The following LUZP1 variants were observed in gnomAD, a reference collection of about 807,000 sequenced individuals.
LUZP1 encodes leucine zipper protein 1, also known as filamin mechanobinding actin cross-linking protein.
LUZP1 carries 25 observed loss-of-function variants against 71.3 expected under a neutral mutation model. The ratio of observed to expected loss-of-function variants is 0.35; its 90% CI spans 0.26 to 0.49. The LOEUF (loss-of-function observed/expected upper bound fraction) is 0.49. Ranked by LOEUF, LUZP1 falls within the 20% of genes least tolerant of loss-of-function variation. The probability of loss-of-function intolerance (pLI) is 0.99; values close to 1 mark genes in which losing one functional copy is unlikely to be tolerated. For missense variants in LUZP1, 1,142 were observed against 1,300.8 expected (o/e 0.88, Z 1.88); for synonymous variants, 481 against 506.4 (o/e 0.95, Z 0.67).
In LUZP1 at chr1:23,094,377, CA is replaced by C. The variant is rs2124601740; in HGVS notation, c.-117del. 4 of 1,464,818 alleles carry C rather than the reference CA, an allele frequency of 2.7e-6. No homozygotes were observed. In the South Asian group the frequency reaches 6.0e-5, roughly 22 times the overall value. The allele number at this position is 1,464,818 out of a possible 1,614,324, so 90.7% of individuals were successfully genotyped here. A position where few individuals can be genotyped will look rare whatever the true frequency, so the allele number is the denominator to read the frequency against. ...TTCTTTGACAGCTGGAGACCATCATCAATCTACAAAAGGAAAGTAGAAAGCA... is the reference window on the plus strand; with the variant it reads ...TTCTTTGACAGCTGGAGACCATCATCATCTACAAAAGGAAAGTAGAAAGCA... On this transcript the variant is annotated splice_region_variant and 5_prime_UTR_variant, in exon 4 of 5. It adds an upstream start codon to the 5' untranslated region. Coordinates refer to ENST00000302291, the Ensembl canonical transcript of LUZP1. This position sits in a 1 kb window ranked among gnomAD's most constrained non-coding sequence, Gnocchi z 4.7.
chr1:23,088,871 G>A lies in LUZP1; in HGVS notation c.*24C>T, dbSNP rs750459214. On this transcript the variant is annotated 3_prime_UTR_variant, in exon 5 of 5. Transcript: ENST00000302291. Reference sequence around the variant, plus strand: ...AAGAGCTGAGAAGCAGGAGCAGAGGGCAGACAACAGACACCCAGCGGGCTC... The same window carrying A: ...AAGAGCTGAGAAGCAGGAGCAGAGGACAGACAACAGACACCCAGCGGGCTC... 56 of 1,610,236 alleles carry A rather than the reference G, an allele frequency of 3.5e-5. No homozygotes were observed. The East Asian group carries it at 1.1e-3, about 33-fold the overall frequency.
intron 3 of LUZP1, among the ~76,000 whole-genome samples, chr1:23,098,972 C>G (rs904767826): frequency 6.6e-6 from 1 of 152,168 alleles, no homozygotes; most frequent in African/African-American, 2.4e-5. Flanking sequence ...CCAAGCCTTC[C>G]GCTTCCATTC....
Position 23,109,698 on chromosome 1 carries a change from G to C in LUZP1, c.-225-571C>G, listed in dbSNP as rs1452640984. 5 of 152,316 alleles carry C rather than the reference G, an allele frequency of 3.3e-5. 1 individual carries two copies. The highest frequency in any genetic ancestry group is 1.2e-4 in the African/African-American group (5 of 41,576). 9.4% of individuals were successfully genotyped at this position (152,316 alleles called of 1,614,324 possible). On this transcript the variant is annotated intron_variant, in intron 2 of 4. Transcript: ENST00000302291. ...TCAGGCTATATGTATAAGGTGTATA[G>C]GAAACATAAACGAATTTCATGTTTA...
intron 4 of LUZP1, among the ~76,000 whole-genome samples, chr1:23,089,824 G>A (rs1272478047): frequency 2.0e-5 from 3 of 149,424 alleles, no homozygotes; most frequent in Non-Finnish European, 4.4e-5. Flanking sequence ...ACAATGGTGC[G>A]ATCTCGGCTC....
intron 2 of LUZP1, among the ~76,000 whole-genome samples, chr1:23,116,546 A>G (rs1644080364): frequency 6.6e-6 from 1 of 151,784 alleles, no homozygotes; most frequent in East Asian, 1.9e-4. Context: ...AGTTGGCCAA[A>G]TCAGAAGGTG....
chr1:23,136,339 C>CACACACACAG (rs1257091666), intron 2 of LUZP1, among the ~76,000 whole-genome samples: 5 of 144,732 alleles, frequency 3.5e-5, no homozygotes, highest in Middle Eastern at 3.6e-3. Context: ...CACACACACA[C>CACACACACAG]ACAGAGGGTC....
intron 1 of LUZP1, among the ~76,000 whole-genome samples, chr1:23,170,462 C>CTTTTTTTTTTTTTTTTTTTTT (rs200073505): frequency 5.5e-5 from 7 of 127,434 alleles, no homozygotes; most frequent in Non-Finnish European, 8.3e-5. Flanking sequence ...CTTTTTCTTT[C>CTTTTTTTTTTTTTTTTTTTTT]TTTTTTTTTT....
intron 2 of LUZP1, among the ~76,000 whole-genome samples, chr1:23,153,243 A>T (rs778743508): frequency 6.6e-6 from 1 of 152,214 alleles, no homozygotes; most frequent in African/African-American, 2.4e-5. Context: ...CCAGACAAGT[A>T]TTCCCAGTTC....
chr1:23,161,990 C>T (rs546391151), intron 2 of LUZP1, among the ~76,000 whole-genome samples: 2 of 134,788 alleles, frequency 1.5e-5, no homozygotes, highest in Admixed American at 8.2e-5. Flanking sequence ...CGCGCCACTG[C>T]ACTCCAGCCT....
chr1:23,129,449 C>T (rs1416044275), intron 2 of LUZP1, among the ~76,000 whole-genome samples: 3 of 152,064 alleles, frequency 2.0e-5, no homozygotes, highest in South Asian at 4.1e-4. Flanking sequence ...GGCGTGGAGG[C>T]GCATGCCTGT....
At chr1:23,177,209 C>A (rs868049786) in intron 1 of LUZP1, among the ~76,000 whole-genome samples, 1 of 152,124 alleles carries the variant, frequency 6.6e-6, no homozygotes, top group Non-Finnish European at 1.5e-5. Flanking sequence ...TAATTCTTAA[C>A]CCTTGTTGGA....
In LUZP1 at chr1:23,093,101, C is replaced by T. The variant is rs1294058025; in HGVS notation, c.1161G>A (p.Lys387=). 6.2e-7 allele frequency: 1 copy of T among 1,614,118 alleles called. No homozygotes were observed. The highest frequency in any genetic ancestry group is 1.7e-5 in the Admixed American group (1 of 60,020). The stretch of plus-strand genomic sequence containing the variant: ...GAGGAGACAGTTCCCGCGCTGTGTG[C>T]TTGGACACAGAAGCTTCACTTCCGT... Residue 387 remains lysine, a synonymous_variant, in exon 4 of 5, where the codon AAG becomes AAA. Coordinates refer to ENST00000302291, the Ensembl canonical transcript of LUZP1. This position sits in a 1 kb window ranked among gnomAD's most constrained non-coding sequence, Gnocchi z 4.2.
chr1:23,139,019 A>AAAAAAAAAT lies in LUZP1; in HGVS notation c.-226+29746_-226+29747insATTTTTTTT, dbSNP rs1317355746. Among the ~76,000 whole-genome samples, 334 of 59,904 alleles carry AAAAAAAAAT rather than the reference A, an allele frequency of 5.6e-3. 6 individuals carry two copies. Among genetic ancestry groups the AAAAAAAAAT allele is most frequent in the Middle Eastern group, 9.4e-3 (1 of 106 alleles). 39.3% of individuals were successfully genotyped at this position (59,904 alleles called of 152,430 possible). ...TCTCAAAAAAAAAAAAAAAAAAAAA[A>AAAAAAAAAT]ATATATATATATATATATATATATA... On this transcript the variant is annotated intron_variant, in intron 2 of 4. Coordinates refer to ENST00000302291, the Ensembl canonical transcript of LUZP1.
chr1:23,171,348 T>C (rs914133633), intron 1 of LUZP1, among the ~76,000 whole-genome samples: 3 of 152,012 alleles, frequency 2.0e-5, no homozygotes, highest in Non-Finnish European at 1.5e-5. Context: ...TTCAGCAGAG[T>C]CACATCTGAT....
chr1:23,112,145 G>A (rs911283112), intron 2 of LUZP1, among the ~76,000 whole-genome samples: 3 of 152,204 alleles, frequency 2.0e-5, no homozygotes, highest in Non-Finnish European at 2.9e-5. Context: ...AGCAGTAACT[G>A]ATTTCTTTCT....
chr1:23,105,076 G>C (rs182461471), intron 3 of LUZP1, among the ~76,000 whole-genome samples: 3 of 152,314 alleles, frequency 2.0e-5, no homozygotes, highest in African/African-American at 7.2e-5. Context: ...ATTGGACAAA[G>C]GGATTAAGTA....
At chr1:23,142,027 G>A (rs1342381301) in intron 2 of LUZP1, among the ~76,000 whole-genome samples, 2 of 151,724 alleles carry the variant, frequency 1.3e-5, no homozygotes, top group Non-Finnish European at 2.9e-5. Flanking sequence ...TATTTTTTTA[G>A]TAGAGACAGG....
intron 1 of LUZP1, among the ~76,000 whole-genome samples, chr1:23,172,160 T>C (rs2148224396): frequency 6.6e-6 from 1 of 152,290 alleles, no homozygotes; most frequent in East Asian, 1.9e-4. Context: ...TGTTACTATT[T>C]GAACATGTCC....
intron 2 of LUZP1, among the ~76,000 whole-genome samples, chr1:23,136,011 A>G (rs1644250158): frequency 6.6e-6 from 1 of 152,112 alleles, no homozygotes. Flanking sequence ...TAATTATACA[A>G]CCTGACCCAG....
Sources: gnomAD v4.1 joint callset for allele counts (sites outside exome capture counted in the v4.1 genomes callset) on GRCh38, gnomAD v4.1.1 for gene constraint, Gnocchi (gnomAD v3.1) non-coding constraint, MANE v1.5 for transcripts, NCBI Gene and HGNC (gene_info 2026-07-23, HGNC 2026-07-21) for gene names.